MVB12B: variants seen among roughly 807,000 people sequenced by gnomAD.
MVB12B encodes the protein multivesicular body subunit 12B.
A neutral mutation model predicts 41.6 loss-of-function variants in MVB12B; 16 were observed. The ratio of observed to expected loss-of-function variants is 0.38; its 90% CI spans 0.26 to 0.58. The LOEUF (loss-of-function observed/expected upper bound fraction) is 0.58, where lower values mean the gene tolerates loss of function less well. Ranked by LOEUF, MVB12B falls within the 20% of genes least tolerant of loss-of-function variation. MVB12B has a pLI of 0.62. For missense variants in MVB12B, 274 were observed against 380.2 expected, an observed-to-expected ratio of 0.72 and a Z score of 2.32; for synonymous variants, 133 against 139.7, an observed-to-expected ratio of 0.95 and a Z score of 0.34.
intron 9 of MVB12B, among the ~76,000 whole-genome samples, chr9:126,496,421 T>C (rs1833837072): frequency 7.9e-6 from 1 of 126,082 alleles, no homozygotes; most frequent in African/African-American, 3.1e-5. Flanking sequence ...CACCCACCCA[T>C]TCATCTACTC....
At chr9:126,394,344 AT>A (rs934191972) in intron 5 of MVB12B, among the ~76,000 whole-genome samples, 1 of 152,228 alleles carries the variant, frequency 6.6e-6, no homozygotes, top group Non-Finnish European at 1.5e-5. Flanking sequence ...TTTTTAACCA[AT>A]TTAAAAATTT....
chr9:126,348,000 G>A (rs1829645790), intron 2 of MVB12B, among the ~76,000 whole-genome samples: 2 of 152,202 alleles, frequency 1.3e-5, no homozygotes, highest in African/African-American at 4.8e-5. Context: ...AAGCCAATGA[G>A]GAAACAAGGG....
rs758905333 is a variant in MVB12B, at chr9:126,481,354, T to C, written c.758-15T>C. On this transcript the variant is annotated splice_polypyrimidine_tract_variant and intron_variant, in intron 7 of 9. Coordinates refer to ENST00000361171, the MANE Select transcript of MVB12B (RefSeq NM_033446.3). The stretch of plus-strand genomic sequence containing the variant: ...CAATACCTTTAATGCCATCTTTTTT[T>C]TTCTTCTTTTGCAGCAATGGATGGT... 10 of 1,610,852 alleles carry C rather than the reference T, an allele frequency of 6.2e-6. No individual in the cohort carries two copies. Among genetic ancestry groups the C allele is most frequent in the African/African-American group, 1.3e-5 (1 of 74,762 alleles).
At chr9:126,397,753 G>A (rs1235904055) in intron 6 of MVB12B, 1 of 410,198 alleles carries the variant, frequency 2.4e-6, no homozygotes, top group South Asian at 1.0e-4. Context: ...CAGTATCTTT[G>A]ATTTATTTTA....
chr9:126,484,262 C>G (rs961367503), intron 9 of MVB12B, among the ~76,000 whole-genome samples: 5 of 152,274 alleles, frequency 3.3e-5, no homozygotes, highest in African/African-American at 1.2e-4. Flanking sequence ...CTTGTCTTCT[C>G]TAAGTCAGAA....
At chr9:126,327,785 C>G (rs1022908888) in intron 1 of MVB12B, among the ~76,000 whole-genome samples, 1 of 152,182 alleles carries the variant, frequency 6.6e-6, no homozygotes, top group Non-Finnish European at 1.5e-5. Context: ...AGATGAGACT[C>G]TTCTGTTCCC....
intron 8 of MVB12B, among the ~76,000 whole-genome samples, chr9:126,483,512 C>T (rs1833568447): frequency 6.6e-6 from 1 of 152,202 alleles, no homozygotes; most frequent in Non-Finnish European, 1.5e-5. Flanking sequence ...AACTCTTCCT[C>T]CCTGGAGTTC....
intron 6 of MVB12B, among the ~76,000 whole-genome samples, chr9:126,411,954 A>T (rs1229026433): frequency 1.3e-5 from 2 of 152,204 alleles, no homozygotes; most frequent in Non-Finnish European, 2.9e-5. Flanking sequence ...TTCGAGTGTT[A>T]GTCAGGCCCT....
chr9:126,343,899 A>C (rs1468897618), intron 2 of MVB12B, among the ~76,000 whole-genome samples: 1 of 152,258 alleles, frequency 6.6e-6, no homozygotes, highest in East Asian at 1.9e-4. Flanking sequence ...CCTGGGCAAC[A>C]GAGTGAGACT....
chr9:126,432,700 C>T (rs1186473837), intron 7 of MVB12B, among the ~76,000 whole-genome samples: 1 of 152,196 alleles, frequency 6.6e-6, no homozygotes, highest in Non-Finnish European at 1.5e-5. Flanking sequence ...GATCAGCTCA[C>T]AGTTACACCT....
chr9:126,438,061 G>A (rs977635307), intron 7 of MVB12B, among the ~76,000 whole-genome samples: 1 of 152,196 alleles, frequency 6.6e-6, no homozygotes, highest in Non-Finnish European at 1.5e-5. Flanking sequence ...GAACTCCTGT[G>A]TATAGAACAT....
At chr9:126,454,276 G>A (rs1471062807) in intron 7 of MVB12B, among the ~76,000 whole-genome samples, 2 of 152,196 alleles carry the variant, frequency 1.3e-5, no homozygotes, top group East Asian at 3.8e-4. Context: ...ACCCACCAGG[G>A]TCCCACCGTG....
chr9:126,363,443 C>T (rs574943358), intron 2 of MVB12B, among the ~76,000 whole-genome samples: 2 of 152,274 alleles, frequency 1.3e-5, no homozygotes, highest in African/African-American at 4.8e-5. Context: ...AGCAAATACA[C>T]GTTGACTCCG....
intron 7 of MVB12B, among the ~76,000 whole-genome samples, chr9:126,474,687 C>T (rs1833386062): frequency 6.6e-6 from 1 of 152,202 alleles, no homozygotes; most frequent in South Asian, 2.1e-4. Flanking sequence ...CTTATCTGAA[C>T]CGCCACTTTT....
Position 126,392,709 on chromosome 9 carries a change from G to A in MVB12B, c.539+514G>A, listed in dbSNP as rs1830995227. ...GGAGTGGGGGCCTCTTCCGTGAGGG[G>A]GTCAGGAAGGTGACACTTGAGCAGA... On this transcript the variant is annotated intron_variant, in intron 5 of 9. Transcript: ENST00000361171. The surrounding 1 kb of genome is among the most constrained non-coding windows in gnomAD (Gnocchi z 4.8). Among the ~76,000 whole-genome samples, 1 of 152,208 alleles carries A rather than the reference G, an allele frequency of 6.6e-6. No individual in the cohort carries two copies. Among genetic ancestry groups the A allele is most frequent in the Admixed American group, 6.5e-5 (1 of 15,284 alleles).
chr9:126,351,936 CAATT>C (rs1301711319), intron 2 of MVB12B, among the ~76,000 whole-genome samples: 2 of 152,004 alleles, frequency 1.3e-5, no homozygotes, highest in East Asian at 3.9e-4. Flanking sequence ...TTTCCTGTAT[CAATT>C]AATATGATCA....
Position 126,436,040 on chromosome 9 carries a change from A to G in MVB12B, c.757+14092A>G, listed in dbSNP as rs531030816. Among the ~76,000 whole-genome samples, 3 of 152,362 alleles carry G rather than the reference A, an allele frequency of 2.0e-5. No individual in the cohort carries two copies. Among genetic ancestry groups the G allele is most frequent in the East Asian group, 1.9e-4 (1 of 5,194 alleles). On this transcript the variant is annotated intron_variant, in intron 7 of 9. Transcript: ENST00000361171. This position sits in a 1 kb window ranked among gnomAD's most constrained non-coding sequence, Gnocchi z 4.1. ...TTGTTTTGATTCATCATTTTTGCAG[A>G]TAATTAAATGGTTCAGTTGGCACAG...
At position 126,340,750 on chromosome 9, in the gene MVB12B, C is replaced by A; in HGVS notation, c.204+120C>A. On this transcript the variant is annotated intron_variant, in intron 2 of 9. Transcript: ENST00000361171. This position sits in a 1 kb window ranked among gnomAD's most constrained non-coding sequence, Gnocchi z 4.0. ...TGCTTCTTCCCTCTAGGAACTTAAT[C>A]CAGGGAGGGCGTGGAGAGCATCCTG... 1.6e-6 allele frequency: 2 copies of A among 1,239,404 alleles called. No individual in the cohort carries two copies. Among genetic ancestry groups the A allele is most frequent in the East Asian group, 2.5e-5 (1 of 39,426 alleles). 76.8% of individuals were successfully genotyped at this position (1,239,404 alleles called of 1,614,324 possible). A position where few individuals can be genotyped will look rare whatever the true frequency, so the allele number is the denominator to read the frequency against.
intron 7 of MVB12B, chr9:126,448,130 CTG>C (rs1336718132): frequency 2.0e-5 from 3 of 153,770 alleles, no homozygotes; most frequent in African/African-American, 7.2e-5. Context: ...TCTGACCTGT[CTG>C]TGTCTCCAGC....
Sources: allele counts gnomAD v4.1 joint callset (sites outside exome capture counted in the v4.1 genomes callset), GRCh38; gene constraint gnomAD v4.1.1; non-coding constraint Gnocchi (gnomAD v3.1); transcripts MANE v1.5; gene names NCBI Gene and HGNC (gene_info 2026-07-23, HGNC 2026-07-21).